Variants in LRP5 observed in about 807,000 individuals in gnomAD.
LRP5 encodes low-density lipoprotein receptor-related protein 5.
In LRP5, 62 loss-of-function variants were observed where a neutral mutation model predicts 154.1. The ratio of observed to expected loss-of-function variants is 0.40; its 90% CI spans 0.33 to 0.50. LRP5 has a LOEUF of 0.50. LRP5 is among the 20% of genes least tolerant of loss of function. LRP5 has a pLI of 0.55. For synonymous variants in LRP5, 966 were observed against 1,011.5 expected, an observed-to-expected ratio of 0.96 and a Z score of 0.85; for missense variants, 1,915 against 2,336.7, an observed-to-expected ratio of 0.82 and a Z score of 3.72.
intron 16 of LRP5, among the ~76,000 whole-genome samples, 193 bp downstream of exon 16, chr11:68,426,380 C>T (rs1252810564): frequency 6.6e-6 from 1 of 151,548 alleles, no homozygotes; most frequent in Non-Finnish European, 1.5e-5. Context: ...TCTTTTGCCG[C>T]AGAACAAATC....
Position 68,416,338 on chromosome 11 carries a change from C to T in LRP5, c.2838C>T (p.Thr946=). The change falls in exon 13 of 23, where the codon ACC becomes ACT. Residue 946 remains threonine (T), a synonymous_variant. Coordinates refer to ENST00000294304, the MANE Select transcript of LRP5 (RefSeq NM_002335.4). ...PSSRNCSPPT[T]FLLFSQKSAI... ...CTTTGCCTCCTCTAGCGCCCACCACCTTCTTGCTGTTCAGCCAGAAATCTG... is the reference window on the plus strand; with the variant it reads ...CTTTGCCTCCTCTAGCGCCCACCACTTTCTTGCTGTTCAGCCAGAAATCTG... 1.2e-6 allele frequency: 2 copies of T among 1,614,062 alleles called. No individual in the cohort carries two copies. Among genetic ancestry groups the T allele is most frequent in the Non-Finnish European group, 1.7e-6 (2 of 1,179,996 alleles).
chr11:68,382,551 T>C (rs1591257017), intron 5 of LRP5, among the ~76,000 whole-genome samples: 1 of 152,274 alleles, frequency 6.6e-6, no homozygotes, highest in South Asian at 2.1e-4. Flanking sequence ...CCCAAGGGCG[T>C]CCTGAGGGCA....
intron 5 of LRP5, among the ~76,000 whole-genome samples, chr11:68,377,728 C>T (rs1348235475): frequency 6.6e-6 from 1 of 152,204 alleles, no homozygotes; most frequent in African/African-American, 2.4e-5. Context: ...TGCCCCAGGC[C>T]CAGGAGGTGG....
At chr11:68,435,161 C>T (rs1483417157) in intron 18 of LRP5, among the ~76,000 whole-genome samples, 4 of 152,252 alleles carry the variant, frequency 2.6e-5, no homozygotes, top group East Asian at 1.9e-4. Flanking sequence ...AAGCCCCAGA[C>T]CTCACGTCTG....
intron 13 of LRP5, among the ~76,000 whole-genome samples, chr11:68,420,039 T>A (rs1405783124): frequency 6.6e-6 from 1 of 152,170 alleles, no homozygotes; most frequent in Non-Finnish European, 1.5e-5. Context: ...TCCACCCACC[T>A]CAGCCTCCCA....
At chr11:68,374,379 G>A (rs545336741) in intron 5 of LRP5, among the ~76,000 whole-genome samples, 154 of 152,342 alleles carry the variant, frequency 1.0e-3, no homozygotes, top group Non-Finnish European at 1.8e-3. Context: ...AGTCTGCCGC[G>A]GCCGGGCAGT....
chr11:68,410,405 G>A lies in LRP5; in HGVS notation c.2318+265G>A, dbSNP rs150527650. 2.3e-3 allele frequency among the ~76,000 whole-genome samples: 356 copies of A among 152,302 alleles called. 2 individuals are homozygous for A. The highest frequency in any genetic ancestry group is 8.3e-3 in the African/African-American group (343 of 41,570). ...TCACCGAAGTGTCCATGGAGCCTGC[G>A]TAGGGTGGGTATCTGTGTCGATTTT... On this transcript the variant is annotated intron_variant, in intron 10 of 22. Transcript: ENST00000294304.
chr11:68,393,447 G>C (rs1217535088), intron 7 of LRP5, among the ~76,000 whole-genome samples: 1 of 152,204 alleles, frequency 6.6e-6, no homozygotes, highest in Admixed American at 6.5e-5. Flanking sequence ...GTGTGTGAGG[G>C]TTCTGACTTT....
chr11:68,431,249 T>C (rs1160916170), intron 17 of LRP5, among the ~76,000 whole-genome samples: 1 of 148,288 alleles, frequency 6.7e-6, no homozygotes, highest in Admixed American at 6.7e-5. Context: ...TTTTTTTTTT[T>C]TTTTTTTGAG....
intron 9 of LRP5, among the ~76,000 whole-genome samples, chr11:68,408,266 T>G (rs929919363): frequency 8.0e-5 from 11 of 137,768 alleles, no homozygotes; most frequent in Admixed American, 3.0e-4. Flanking sequence ...TTTTTTTTTT[T>G]TGGGGAGACA....
intron 1 of LRP5, among the ~76,000 whole-genome samples, chr11:68,314,959 AC>A (rs2153111310): frequency 6.6e-6 from 1 of 152,138 alleles, no homozygotes. Context: ...CGTTTTTGGA[AC>A]CCGTTTAATT....
rs535714957 is a variant in LRP5, at chr11:68,346,290, G to A, written c.92-1557G>A. Among the ~76,000 whole-genome samples the A allele has an allele frequency of 4.6e-5, 7 of 152,356 alleles. No individual in the cohort carries two copies. In the East Asian group the frequency reaches 7.7e-4, roughly 17 times the overall value. ...AAGATGATGACAGCACGGGTGGGGC[G>A]GCGGAGGCGCCGCTGTCATTTTCCT... is the stretch of plus-strand genomic sequence containing the variant. On this transcript the variant is annotated intron_variant, in intron 1 of 22. Transcript: ENST00000294304.
intron 12 of LRP5, 31 bp from the exon 13 acceptor site, chr11:68,416,297 C>T: frequency 1.2e-6 from 2 of 1,600,850 alleles, no homozygotes; most frequent in Non-Finnish European, 1.7e-6. Context: ...TTACAGACAC[C>T]CACCTGCAGC....
chr11:68,403,431 C>CT, intron 7 of LRP5, 52 bp from the exon 8 acceptor site: 1 of 1,555,648 alleles, frequency 6.4e-7, no homozygotes, highest in Non-Finnish European at 8.9e-7. Flanking sequence ...CGGGTTGGCT[C>CT]TCGTTGGTGT....
At chr11:68,311,222 T>G (rs780643302), upstream of LRP5, among the ~76,000 whole-genome samples, 8 of 152,164 alleles carry the variant, frequency 5.3e-5, no homozygotes, top group Non-Finnish European at 1.0e-4. Flanking sequence ...TTCCCATTGC[T>G]CGTGGGGTGC....
At chr11:68,442,023 A>G (rs1013423027) in intron 21 of LRP5, among the ~76,000 whole-genome samples, 3 of 152,252 alleles carry the variant, frequency 2.0e-5, no homozygotes, top group African/African-American at 7.2e-5. Context: ...CCTGGGAGGC[A>G]TGGCCTCCTG....
rs371162713 is a variant in LRP5, at chr11:68,357,864, T to C, written c.686+17T>C. The C allele has an allele frequency of 1.9e-6, 3 of 1,601,356 alleles. No homozygotes were observed. Among genetic ancestry groups the C allele is most frequent in the Non-Finnish European group, 2.6e-6 (3 of 1,174,420 alleles). ...CTCGTTCCGGTAGGTACCCACGCAG[T>C]CCTGGGGCACCCCTTTCCCCTTTGT... is the stretch of plus-strand genomic sequence containing the variant. On this transcript the variant is annotated intron_variant, in intron 3 of 22. Coordinates refer to ENST00000294304, the MANE Select transcript of LRP5 (RefSeq NM_002335.4).
chr11:68,365,467 C>T, intron 4 of LRP5, 104 bp from the exon 5 acceptor site: 1 of 1,547,490 alleles, frequency 6.5e-7, no homozygotes, highest in Non-Finnish European at 8.9e-7. Flanking sequence ...GGCAGAGGGA[C>T]ACACTGGAGG....
chr11:68,413,850 G>A lies in LRP5; in HGVS notation c.2665G>A (p.Val889Met), dbSNP rs1325850816. 3 of 1,613,594 alleles carry A rather than the reference G, an allele frequency of 1.9e-6. No homozygotes were observed. The highest frequency in any genetic ancestry group is 2.5e-6 in the Non-Finnish European group (3 of 1,180,034). Residue 889 changes from valine to methionine, a missense_variant, in exon 12 of 23, where the codon GTG becomes ATG. Physicochemically the swap from Val to Met is conservative, Grantham distance 21. This residue lies in a region of LRP5 where 1,094 missense variants were observed against 1,210.1 expected (regional missense o/e 0.90). Transcript: ENST00000294304. The surrounding 1 kb of genome is among the most constrained non-coding windows in gnomAD (Gnocchi z 5.1). ...CCTCATCCAGGGCCACCTGGACTTCGTGATGGACATCCTGGTGTTCCACTC... is the reference window on the plus strand; with the variant it reads ...CCTCATCCAGGGCCACCTGGACTTCATGATGGACATCCTGGTGTTCCACTC... ...RTLIQGHLDF[V>M]MDILVFHSSR... is the part of the protein sequence containing the mutation.
Sources: gnomAD v4.1 joint callset for allele counts (sites outside exome capture counted in the v4.1 genomes callset) on GRCh38, gnomAD v4.1.1 for gene constraint, gnomAD v4.1.1 regional missense constraint, Gnocchi (gnomAD v3.1) non-coding constraint, MANE v1.5 for transcripts, NCBI Gene and HGNC (gene_info 2026-07-23, HGNC 2026-07-21) for gene names.